UGCG: variants seen among roughly 807,000 people sequenced by gnomAD.
UGCG encodes UDP-glucose ceramide glucosyltransferase, also known as ceramide glucosyltransferase.
A neutral mutation model predicts 49.5 loss-of-function variants in UGCG; 10 were observed. The observed-to-expected ratio is 0.20, with a 90% confidence interval of 0.12 to 0.34. The LOEUF (loss-of-function observed/expected upper bound fraction) is 0.34, where lower values mean the gene tolerates loss of function less well. Among genes scored for constraint, UGCG ranks in the 10% least tolerant of loss-of-function variants. The pLI, the probability that UGCG is intolerant of heterozygous loss-of-function variation, is 1.00. For missense variants in UGCG, 312 were observed against 483.7 expected (o/e 0.65, Z 3.33); for synonymous variants, 182 against 158.2 (o/e 1.15, Z -1.13).
intron 1 of UGCG, among the ~76,000 whole-genome samples, chr9:111,913,464 C>T (rs1284986435): frequency 6.6e-6 from 1 of 152,048 alleles, no homozygotes; most frequent in Non-Finnish European, 1.5e-5. Flanking sequence ...GACGGAGTCT[C>T]ACTCTGTCAC....
chr9:111,929,802 A>G, intron 6 of UGCG, 124 bp downstream of exon 6: 1 of 1,065,854 alleles, frequency 9.4e-7, no homozygotes, highest in Non-Finnish European at 1.3e-6. Flanking sequence ...GTAAGTACAG[A>G]ATAGGTCAAT....
intron 5 of UGCG, among the ~76,000 whole-genome samples, chr9:111,927,482 C>G (rs538608628): frequency 6.6e-6 from 1 of 151,050 alleles, no homozygotes; most frequent in African/African-American, 2.4e-5. Flanking sequence ...GATGGAGTCT[C>G]GCTCTGTCGC....
At chr9:111,915,965 A>G (rs1319618109) in intron 2 of UGCG, 1 of 226,486 alleles carries the variant, frequency 4.4e-6, no homozygotes, top group African/African-American at 2.3e-5. Context: ...TATATGTTCT[A>G]GTTTGTGTGT....
intron 1 of UGCG, among the ~76,000 whole-genome samples, chr9:111,912,756 A>T (rs1838036731): frequency 6.6e-6 from 1 of 152,208 alleles, no homozygotes; most frequent in African/African-American, 2.4e-5. Context: ...GCAATGCTGG[A>T]CCAGACCACA....
At chr9:111,911,937 T>TATATTCAACAGG (rs1838011169) in intron 1 of UGCG, among the ~76,000 whole-genome samples, 3 of 34,322 alleles carry the variant, frequency 8.7e-5, no homozygotes, top group Non-Finnish European at 1.1e-4. Flanking sequence ...TATATATATA[T>TATATTCAACAGG]ATATATATAT....
chr9:111,915,707 A>G (rs550377044), intron 2 of UGCG: 3 of 852,900 alleles, frequency 3.5e-6, no homozygotes, highest in East Asian at 1.2e-4. Flanking sequence ...TGATATGCGC[A>G]CTACACTTCT....
At chr9:111,904,829 T>C (rs963257741) in intron 1 of UGCG, among the ~76,000 whole-genome samples, 3 of 152,202 alleles carry the variant, frequency 2.0e-5, no homozygotes, top group Middle Eastern at 3.4e-3. Context: ...GCCATTGCTC[T>C]CCAGCCTGGG....
At chr9:111,898,206 T>G (rs1344384223) in intron 1 of UGCG, among the ~76,000 whole-genome samples, 1 of 151,990 alleles carries the variant, frequency 6.6e-6, no homozygotes, top group Non-Finnish European at 1.5e-5. Flanking sequence ...ATCCACTGTT[T>G]AAGGTGAAAT....
intron 2 of UGCG, among the ~76,000 whole-genome samples, chr9:111,916,288 T>A (rs1564201362): frequency 6.6e-6 from 1 of 152,204 alleles, no homozygotes. Flanking sequence ...ATATGCATTA[T>A]CATTGTGAAA....
At chr9:111,928,483 G>C (rs990618294) in intron 5 of UGCG, among the ~76,000 whole-genome samples, 1 of 152,122 alleles carries the variant, frequency 6.6e-6, no homozygotes, top group African/African-American at 2.4e-5. Flanking sequence ...GCCATACTTA[G>C]AATTAATCAT....
chr9:111,929,467 T>G (rs745535021), intron 5 of UGCG, 33 bp from the exon 6 acceptor site: 4 of 1,581,924 alleles, frequency 2.5e-6, no homozygotes, highest in African/African-American at 2.7e-5. Flanking sequence ...AACATGAAAT[T>G]CTAATCATAC....
At position 111,933,763 on chromosome 9, in the gene UGCG, T is replaced by C. The variant is rs1409112105; in HGVS notation, c.*766T>C. 6.6e-6 allele frequency: 1 copy of C among 152,214 alleles called. No homozygotes were observed. The highest frequency in any genetic ancestry group is 2.4e-5 in the African/African-American group (1 of 41,454). The allele number at this position is 152,214 out of a possible 1,614,324, so 9.4% of individuals were successfully genotyped here. A position where few individuals can be genotyped will look rare whatever the true frequency, so the allele number is the denominator to read the frequency against. On this transcript the variant is annotated 3_prime_UTR_variant, in exon 9 of 9. Coordinates refer to ENST00000374279, the MANE Select transcript of UGCG (RefSeq NM_003358.3). ...CTCTTGTTGGTTCTGTCTTGAACCA[T>C]TGTTAATCACTGTGCTGTAATTAGT... is the stretch of plus-strand genomic sequence containing the variant.
intron 1 of UGCG, among the ~76,000 whole-genome samples, chr9:111,909,509 T>A (rs1405958687): frequency 6.6e-6 from 1 of 152,212 alleles, no homozygotes; most frequent in Non-Finnish European, 1.5e-5. Context: ...AAGAGTTTTG[T>A]AAGGAGAAGA....
intron 3 of UGCG, among the ~76,000 whole-genome samples, chr9:111,924,251 A>G (rs1838278923): frequency 6.6e-6 from 1 of 152,200 alleles, no homozygotes; most frequent in African/African-American, 2.4e-5. Flanking sequence ...GGTGTACAGC[A>G]CGATGTTTTG....
At position 111,932,363 on chromosome 9, in the gene UGCG, T is replaced by C. The variant is rs756412608; in HGVS notation, c.1014+4T>C. On this transcript the variant is annotated splice_donor_region_variant and intron_variant, in intron 8 of 8. Transcript: ENST00000374279. ...CATTCAACTCAGGGGTGTCCAGGTA[T>C]GTGGATAGGCATGAAAAGGTTGGCA... 16 of 1,612,082 alleles carry C rather than the reference T, an allele frequency of 9.9e-6. No individual in the cohort carries two copies. The highest frequency in any genetic ancestry group is 1.4e-5 in the Non-Finnish European group (16 of 1,178,886).
At chr9:111,904,896 G>A (rs749123584) in intron 1 of UGCG, among the ~76,000 whole-genome samples, 17 of 152,084 alleles carry the variant, frequency 1.1e-4, no homozygotes, top group Admixed American at 7.9e-4. Context: ...GAGCCAAGGC[G>A]GGGAGGATCG....
At chr9:111,918,946 A>G (rs567638129) in intron 2 of UGCG, among the ~76,000 whole-genome samples, 58 of 118,342 alleles carry the variant, frequency 4.9e-4, no homozygotes, top group Middle Eastern at 4.1e-3. Context: ...ACAAAAAACA[A>G]AAAAACAAAA....
chr9:111,930,619 C>T (rs1477927966), intron 6 of UGCG, among the ~76,000 whole-genome samples: 8 of 152,006 alleles, frequency 5.3e-5, no homozygotes, highest in Non-Finnish European at 7.4e-5. Context: ...AGGCACCCGC[C>T]GCCACACTCA....
At position 111,932,856 on chromosome 9, in the gene UGCG, T is replaced by C. The variant is rs749032794; in HGVS notation, c.1044T>C (p.Asp348=). 5.4e-5 allele frequency: 86 copies of C among 1,606,336 alleles called. No individual in the cohort carries two copies. In the Admixed American group the frequency reaches 1.4e-3, roughly 26 times the overall value. The part of the protein sequence containing the change: ...QGGTLCFSKL[D]YAVAWFIRES... Reference sequence around the variant, plus strand: ...GCACACTGTGTTTTTCAAAACTTGATTATGCAGTCGCCTGGTTCATCCGCG... The same window carrying C: ...GCACACTGTGTTTTTCAAAACTTGACTATGCAGTCGCCTGGTTCATCCGCG... Residue 348 remains aspartate (D), a synonymous_variant, in exon 9 of 9, where the codon GAT becomes GAC. Coordinates refer to ENST00000374279, the MANE Select transcript of UGCG (RefSeq NM_003358.3).
Sources: gnomAD v4.1 joint callset for allele counts (sites outside exome capture counted in the v4.1 genomes callset) on GRCh38, gnomAD v4.1.1 for gene constraint, MANE v1.5 for transcripts, NCBI Gene and HGNC (gene_info 2026-07-23, HGNC 2026-07-21) for gene names.